The following PELI2 variants were observed in gnomAD, a reference collection of about 807,000 sequenced individuals.
PELI2 encodes pellino E3 ubiquitin protein ligase family member 2.
In PELI2, 23 loss-of-function variants were observed where a neutral mutation model predicts 42.3. The observed-to-expected ratio is 0.54, with a 90% CI of 0.39 to 0.77. The LOEUF (loss-of-function observed/expected upper bound fraction) is 0.77. PELI2 is among the 30% of genes least tolerant of loss of function. PELI2 has a pLI of 0.00. For synonymous variants in PELI2, 245 were observed against 212.2 expected, an observed-to-expected ratio of 1.15 and a Z score of -1.34; for missense variants, 463 against 553.2, an observed-to-expected ratio of 0.84 and a Z score of 1.64.
chr14:56,135,914 A>G (rs1378391620), intron 1 of PELI2, among the ~76,000 whole-genome samples: 2 of 152,154 alleles, frequency 1.3e-5, no homozygotes, highest in East Asian at 3.9e-4. Context: ...TTTTAAAATT[A>G]GAGTTTGTGA....
At chr14:56,129,170 C>G (rs992018449) in intron 1 of PELI2, among the ~76,000 whole-genome samples, 1 of 152,202 alleles carries the variant, frequency 6.6e-6, no homozygotes, top group Non-Finnish European at 1.5e-5. Context: ...TTATTGCAGA[C>G]TCTAGGTAGC....
chr14:56,290,387 C>T lies in PELI2; in HGVS notation c.627C>T (p.Arg209=), dbSNP rs909566994. The part of the protein sequence containing the change: ...FTEESQPGVW[R]EISVCGDVYT... ...AGGAGTCCCAGCCCGGGGTCTGGCG[C>T]GAGATCTCTGTCTGTGGAGATGTGT... Residue 209 remains arginine (R), a synonymous_variant, in exon 5 of 6, where the codon CGC becomes CGT. Transcript: ENST00000267460. The T allele has an allele frequency of 2.9e-5, 47 of 1,613,676 alleles. No individual in the cohort carries two copies. Among genetic ancestry groups the T allele is most frequent in the South Asian group, 4.4e-5 (4 of 91,052 alleles).
At chr14:56,141,815 G>A (rs1246823284) in intron 1 of PELI2, among the ~76,000 whole-genome samples, 2 of 152,188 alleles carry the variant, frequency 1.3e-5, no homozygotes, top group African/African-American at 4.8e-5. Context: ...ACGGTTCAAG[G>A]TGAGATTTGG....
rs1459291105 is a variant in PELI2, at chr14:56,296,882, G to A, written c.979G>A (p.Asp327Asn). The change falls in exon 6 of 6, where the codon GAC (aspartate) becomes AAC (asparagine). Residue 327 changes from aspartate to asparagine, a missense_variant. Around this residue, in one of 3 missense-constraint regions of PELI2, gnomAD observed 103 missense variants for 129.6 expected, o/e 0.80. Transcript: ENST00000267460. Reference sequence around the variant, plus strand: ...GTACCACAACTGGGGCCATCGGAGTGACACGGAGGCCAACGAGAGGGAGTG... The same window carrying A: ...GTACCACAACTGGGGCCATCGGAGTAACACGGAGGCCAACGAGAGGGAGTG... ...HGYHNWGHRS[D>N]TEANERECPM... 6.2e-7 allele frequency: 1 copy of A among 1,614,074 alleles called. No homozygotes were observed. Among genetic ancestry groups the A allele is most frequent in the African/African-American group, 1.3e-5 (1 of 74,926 alleles).
chr14:56,160,070 G>A (rs1010069591), intron 1 of PELI2, among the ~76,000 whole-genome samples: 3 of 151,480 alleles, frequency 2.0e-5, no homozygotes, highest in African/African-American at 7.3e-5. Flanking sequence ...TGTGTGGCCT[G>A]GTTGGAGGAA....
At chr14:56,222,325 C>G (rs1324748058) in intron 2 of PELI2, among the ~76,000 whole-genome samples, 1 of 152,178 alleles carries the variant, frequency 6.6e-6, no homozygotes, top group East Asian at 1.9e-4. Context: ...GAAGTGGGAA[C>G]AACTTAGTTC....
intron 1 of PELI2, among the ~76,000 whole-genome samples, chr14:56,138,636 C>T (rs1555342631): frequency 1.3e-5 from 2 of 152,230 alleles, no homozygotes; most frequent in African/African-American, 2.4e-5. Context: ...CGATTAGTGA[C>T]GTGTGAATAA....
At chr14:56,220,826 A>G (rs1186857274) in intron 2 of PELI2, among the ~76,000 whole-genome samples, 1 of 152,200 alleles carries the variant, frequency 6.6e-6, no homozygotes, top group African/African-American at 2.4e-5. Flanking sequence ...AATGGTGCCA[A>G]CTTGTTTGAC....
chr14:56,157,958 T>C (rs899108298), intron 1 of PELI2, among the ~76,000 whole-genome samples: 2 of 152,216 alleles, frequency 1.3e-5, no homozygotes, highest in Non-Finnish European at 2.9e-5. Flanking sequence ...CAAGTTTCTT[T>C]ATTTGAAATG....
At chr14:56,167,440 A>T (rs971316860) in intron 1 of PELI2, among the ~76,000 whole-genome samples, 1 of 152,162 alleles carries the variant, frequency 6.6e-6, no homozygotes, top group Non-Finnish European at 1.5e-5. Context: ...AGCTTGATCC[A>T]CACTGCTATT....
At chr14:56,253,000 AC>A (rs2139818497) in intron 2 of PELI2, among the ~76,000 whole-genome samples, 1 of 152,190 alleles carries the variant, frequency 6.6e-6, no homozygotes, top group Admixed American at 6.5e-5. Context: ...ATCAAAATCC[AC>A]CATGATCAAG....
chr14:56,249,006 C>T (rs572028906), intron 2 of PELI2, among the ~76,000 whole-genome samples: 21 of 152,138 alleles, frequency 1.4e-4, no homozygotes, highest in Non-Finnish European at 2.9e-4. Context: ...TTTGTGTTTC[C>T]GTTGGGCCTT....
At chr14:56,230,743 C>T (rs12892273) in intron 2 of PELI2, among the ~76,000 whole-genome samples, 60,886 of 151,990 alleles carry the variant, frequency 0.4, 13,001 homozygotes, top group South Asian at 0.53. Context: ...CAAATTCACA[C>T]GTAACAATAT....
In PELI2 at chr14:56,288,055, A is replaced by G. The variant is rs1287139138; in HGVS notation, c.310-382A>G. On this transcript the variant is annotated intron_variant, in intron 3 of 5. Transcript: ENST00000267460. The surrounding 1 kb of genome is among the most constrained non-coding windows in gnomAD (Gnocchi z 4.6). ...GTCCTCTTAATTGAGCTTTTTCTCA[A>G]TACTTAAAATCTAATGAACTAGTGA... Among the ~76,000 whole-genome samples, 2 of 152,214 alleles carry G rather than the reference A, an allele frequency of 1.3e-5. No homozygotes were observed. The highest frequency in any genetic ancestry group is 2.9e-5 in the Non-Finnish European group (2 of 68,026).
At chr14:56,228,243 C>T (rs1887431875) in intron 2 of PELI2, among the ~76,000 whole-genome samples, 2 of 152,158 alleles carry the variant, frequency 1.3e-5, no homozygotes, top group African/African-American at 4.8e-5. Flanking sequence ...TATTTGAAGT[C>T]AGCCATACTG....
chr14:56,188,464 C>T (rs1315151206), intron 2 of PELI2, among the ~76,000 whole-genome samples: 2 of 152,100 alleles, frequency 1.3e-5, no homozygotes, highest in African/African-American at 4.8e-5. Flanking sequence ...TCTTATGTTA[C>T]GACATTTCCC....
At chr14:56,210,312 C>G (rs185790190) in intron 2 of PELI2, among the ~76,000 whole-genome samples, 3 of 152,294 alleles carry the variant, frequency 2.0e-5, no homozygotes, top group Admixed American at 1.3e-4. Flanking sequence ...ACAAAAGCAA[C>G]TGCCACAAGA....
rs987098030 is a variant in PELI2, at chr14:56,288,821, G to C, written c.507+187G>C. Among the ~76,000 whole-genome samples, 1 of 152,046 alleles carries C rather than the reference G, an allele frequency of 6.6e-6. No homozygotes were observed. Among genetic ancestry groups the C allele is most frequent in the African/African-American group, 2.4e-5 (1 of 41,372 alleles). On this transcript the variant is annotated intron_variant, in intron 4 of 5. Transcript: ENST00000267460. This position sits in a 1 kb window ranked among gnomAD's most constrained non-coding sequence, Gnocchi z 4.6. Reference sequence around the variant, plus strand: ...ATCTGAACATTAATAAGCATTGCTTGTTATTCATTATATTTTTTATATTGT... The same window carrying C: ...ATCTGAACATTAATAAGCATTGCTTCTTATTCATTATATTTTTTATATTGT...
intron 2 of PELI2, among the ~76,000 whole-genome samples, chr14:56,254,610 G>A (rs368764873): frequency 3.3e-5 from 5 of 152,090 alleles, no homozygotes; most frequent in African/African-American, 1.2e-4. Context: ...AACAACAAAA[G>A]CAATGGCAAC....
Sources: gnomAD v4.1 joint callset for allele counts (sites outside exome capture counted in the v4.1 genomes callset) on GRCh38, gnomAD v4.1.1 for gene constraint, gnomAD v4.1.1 regional missense constraint, Gnocchi (gnomAD v3.1) non-coding constraint, MANE v1.5 for transcripts, NCBI Gene and HGNC (gene_info 2026-07-23, HGNC 2026-07-21) for gene names.